Variants in FBXO4 observed in about 807,000 individuals in gnomAD.
FBXO4 encodes F-box only protein 4.
In FBXO4, 36 loss-of-function variants were observed where a neutral mutation model predicts 43.7. The observed-to-expected ratio is 0.82, with a 90% CI of 0.63 to 1.09. The LOEUF is 1.09. FBXO4 is among the 50% of genes least tolerant of loss of function. The pLI is 0.00. For missense variants in FBXO4, 435 were observed against 474.1 expected (o/e 0.92, Z 0.77); for synonymous variants, 180 against 165.6 (o/e 1.09, Z -0.67).
At chr5:41,984,878 G>C in the FBXO4 span, among the ~76,000 whole-genome samples, 4 of 152,276 alleles carry the variant, frequency 2.6e-5, no homozygotes, top group African/African-American at 9.6e-5. Flanking sequence ...ACCCTGAGCT[G>C]TATGGAGGGA....
the FBXO4 span, among the ~76,000 whole-genome samples, chr5:41,999,792 G>A: frequency 3.3e-5 from 5 of 151,704 alleles, no homozygotes; most frequent in South Asian, 4.2e-4. Context: ...ATATTAACTG[G>A]CAGCTGATTA....
the FBXO4 span, chr5:41,951,900 G>T: frequency 3.8e-6 from 1 of 264,188 alleles, no homozygotes. Flanking sequence ...ATCATCAACA[G>T]GAGTAGCTCC....
At chr5:41,967,600 A>T in the FBXO4 span, 8,750 of 1,089,648 alleles carry the variant, frequency 8.0e-3, 442 homozygotes, top group Admixed American at 0.11. Flanking sequence ...TTCCAGCCAC[A>T]ACCACATTCT....
In FBXO4 at chr5:41,934,401, A is replaced by G; in HGVS notation, c.898+93A>G. On this transcript the variant is annotated intron_variant, in intron 5 of 6. Coordinates refer to ENST00000281623, the MANE Select transcript of FBXO4 (RefSeq NM_012176.3). ...GACTTTACTGTGGCTTCTTAAGAAT[A>G]TGATGGCTTATTTTATCAATGTGAT... 3 of 1,559,396 alleles carry G rather than the reference A, an allele frequency of 1.9e-6. No homozygotes were observed. In the South Asian group the frequency reaches 3.5e-5, roughly 18 times the overall value.
the FBXO4 span, among the ~76,000 whole-genome samples, chr5:41,994,084 T>A: frequency 6.6e-6 from 1 of 152,032 alleles, no homozygotes; most frequent in Non-Finnish European, 1.5e-5. Context: ...CCCATACGCA[T>A]CTCCTGAGAT....
chr5:42,033,378 TG>T, the FBXO4 span, among the ~76,000 whole-genome samples: 163 of 152,240 alleles, frequency 1.1e-3, 1 homozygote, highest in African/African-American at 2.9e-3. Context: ...TCAGTGGTGA[TG>T]TTTTTTTAAA....
chr5:41,946,327 T>G (rs1179964829), downstream of FBXO4, among the ~76,000 whole-genome samples: 1 of 152,240 alleles, frequency 6.6e-6, no homozygotes, highest in Non-Finnish European at 1.5e-5. Flanking sequence ...GTGGCCACTG[T>G]CATGTCTATT....
chr5:41,987,147 T>C, the FBXO4 span, among the ~76,000 whole-genome samples: 1 of 152,158 alleles, frequency 6.6e-6, no homozygotes, highest in African/African-American at 2.4e-5. Flanking sequence ...CCTTTAAGAT[T>C]GCAATCTTAA....
chr5:42,038,708 T>C, the FBXO4 span, among the ~76,000 whole-genome samples: 1 of 152,136 alleles, frequency 6.6e-6, no homozygotes, highest in Non-Finnish European at 1.5e-5. Context: ...TACTAGGTCT[T>C]ATTCATTCTG....
chr5:41,983,933 C>T, the FBXO4 span, among the ~76,000 whole-genome samples: 1 of 151,938 alleles, frequency 6.6e-6, no homozygotes, highest in South Asian at 2.1e-4. Context: ...GTGTAAATCT[C>T]ATTATTTGGC....
At chr5:41,959,332 T>A in the FBXO4 span, among the ~76,000 whole-genome samples, 1 of 152,168 alleles carries the variant, frequency 6.6e-6, no homozygotes, top group South Asian at 2.1e-4. Flanking sequence ...TTTTCTCCCA[T>A]CCCATATGTT....
chr5:41,981,656 T>C, the FBXO4 span, among the ~76,000 whole-genome samples: 2 of 151,934 alleles, frequency 1.3e-5, no homozygotes, highest in South Asian at 2.1e-4. Flanking sequence ...GCCTATGACA[T>C]CCTCTCTTGG....
chr5:41,950,458 A>T, the FBXO4 span, among the ~76,000 whole-genome samples: 1 of 152,336 alleles, frequency 6.6e-6, no homozygotes, highest in Non-Finnish European at 1.5e-5. Flanking sequence ...ACAAACATGG[A>T]AAAAAGCTCA....
the FBXO4 span, among the ~76,000 whole-genome samples, chr5:42,027,230 T>G: frequency 1.3e-5 from 2 of 151,930 alleles, no homozygotes; most frequent in Admixed American, 6.6e-5. Flanking sequence ...TCATTACTTG[T>G]TATTGCTCTG....
the FBXO4 span, among the ~76,000 whole-genome samples, chr5:41,961,676 A>AACTATGTGC: frequency 6.6e-6 from 1 of 152,160 alleles, no homozygotes; most frequent in African/African-American, 2.4e-5. Context: ...TATGTGCAGA[A>AACTATGTGC]AGAGTTTGGC....
the FBXO4 span, among the ~76,000 whole-genome samples, chr5:42,012,667 G>C: frequency 6.6e-6 from 1 of 152,008 alleles, no homozygotes; most frequent in East Asian, 1.9e-4. Flanking sequence ...TCGGTGGCTG[G>C]GCTGCTTGTT....
chr5:42,007,803 C>T, the FBXO4 span, among the ~76,000 whole-genome samples: 20 of 152,136 alleles, frequency 1.3e-4, no homozygotes, highest in South Asian at 4.2e-4. Context: ...GGTGGAGTGG[C>T]GCCAACATAT....
chr5:41,970,858 AG>A, the FBXO4 span, among the ~76,000 whole-genome samples: 2 of 152,056 alleles, frequency 1.3e-5, no homozygotes, highest in Non-Finnish European at 2.9e-5. Context: ...TGGGCTAACA[AG>A]TTCAATAATA....
the FBXO4 span, among the ~76,000 whole-genome samples, chr5:41,966,120 G>A: frequency 6.6e-6 from 1 of 152,096 alleles, no homozygotes; most frequent in Non-Finnish European, 1.5e-5. Flanking sequence ...ACACAGGAAG[G>A]GGAACATCAC....
Sources: allele counts gnomAD v4.1 joint callset (sites outside exome capture counted in the v4.1 genomes callset), GRCh38; gene constraint gnomAD v4.1.1; transcripts MANE v1.5; gene names NCBI Gene and HGNC (gene_info 2026-07-23, HGNC 2026-07-21).